Variants in ZAR1 observed in about 807,000 individuals in gnomAD.
ZAR1 encodes the protein zygote arrest 1.
Under a neutral mutation model 38.3 loss-of-function variants are expected in ZAR1, and 37 were observed. The ratio of observed to expected loss-of-function variants is 0.97; its 90% CI spans 0.74 to 1.27. The LOEUF (loss-of-function observed/expected upper bound fraction) is 1.27. ZAR1 is among the 50% of genes most tolerant of loss of function. The probability of loss-of-function intolerance (pLI) is 0.00; values close to 1 mark genes in which losing one functional copy is unlikely to be tolerated. For synonymous variants in ZAR1, 336 were observed against 292.0 expected (o/e 1.15, Z -1.53); for missense variants, 651 against 632.4 (o/e 1.03, Z -0.32).
chr4:48,495,654 A>G (rs1294790409), downstream of ZAR1, among the ~76,000 whole-genome samples: 1 of 152,194 alleles, frequency 6.6e-6, no homozygotes, highest in Non-Finnish European at 1.5e-5. Context: ...TAAATGTAAA[A>G]CTGAGGTTCT....
chr4:48,491,374 T>G, intron 1 of ZAR1, 120 bp downstream of exon 1: 4 of 694,888 alleles, frequency 5.8e-6, no homozygotes, highest in Non-Finnish European at 8.0e-6. Context: ...CGTGGGCTAC[T>G]TCCGTATTTC....
Position 48,490,661 on chromosome 4 carries a change from A to G in ZAR1, c.370A>G (p.Arg124Gly). The change falls in exon 1 of 4, where the codon AGG becomes GGG. Residue 124 changes from arginine (R) to glycine (G), a missense_variant. By Grantham distance (125) the Arg-to-Gly change is moderately radical. Coordinates refer to ENST00000327939, the MANE Select transcript of ZAR1 (RefSeq NM_175619.3). ...IDAAVQCSLG[R>G]RTLQRRARDP... Reference sequence around the variant, plus strand: ...CGCCGCGGTACAGTGCTCGCTGGGGAGGCGCACGCTGCAGCGCCGGGCCCG... The same window carrying G: ...CGCCGCGGTACAGTGCTCGCTGGGGGGGCGCACGCTGCAGCGCCGGGCCCG... 1 of 1,332,658 alleles carries G rather than the reference A, an allele frequency of 7.5e-7. No individual in the cohort carries two copies. The highest frequency in any genetic ancestry group is 9.5e-7 in the Non-Finnish European group (1 of 1,048,138). The allele number at this position is 1,332,658 out of a possible 1,614,324, so 82.6% of individuals were successfully genotyped here.
intron 1 of ZAR1, among the ~76,000 whole-genome samples, chr4:48,492,045 G>T (rs1718458103): frequency 6.6e-6 from 1 of 152,194 alleles, no homozygotes; most frequent in Non-Finnish European, 1.5e-5. Flanking sequence ...CTGATTGTGC[G>T]AGGAGTGAAT....
chr4:48,491,251 C>T lies in ZAR1; in HGVS notation c.960C>T (p.Phe320=). The part of the protein sequence containing the change: ...SPELGKERLR[F]QFLEQKYGYY... Reference sequence around the variant, plus strand: ...AGCTGGGCAAGGAGCGGCTGCGCTTCCAGGTAAAGCCTAGGGCGGTCAGGG... The same window carrying T: ...AGCTGGGCAAGGAGCGGCTGCGCTTTCAGGTAAAGCCTAGGGCGGTCAGGG... Residue 320 remains phenylalanine (F), a synonymous_variant, in exon 1 of 4, where the codon TTC becomes TTT. Transcript: ENST00000327939. 1 of 1,228,250 alleles carries T rather than the reference C, an allele frequency of 8.1e-7. No individual in the cohort carries two copies. The highest frequency in any genetic ancestry group is 1.0e-6 in the Non-Finnish European group (1 of 984,512). The allele number at this position is 1,228,250 out of a possible 1,614,324, so 76.1% of individuals were successfully genotyped here. A position where few individuals can be genotyped will look rare whatever the true frequency, so the allele number is the denominator to read the frequency against.
chr4:48,494,652 T>C (rs1394189083), downstream of ZAR1, among the ~76,000 whole-genome samples: 3 of 151,634 alleles, frequency 2.0e-5, no homozygotes, highest in East Asian at 5.8e-4. Context: ...ATCGCGCCAC[T>C]GCACTCCAGC....
chr4:48,495,554 A>C (rs80245276), downstream of ZAR1, among the ~76,000 whole-genome samples: 3,282 of 152,308 alleles, frequency 0.022, 115 homozygotes, highest in African/African-American at 0.074. Context: ...TGCTAATAGA[A>C]TTGAAGCATG....
In ZAR1 at chr4:48,492,807, C is replaced by T. The variant is rs1560482984; in HGVS notation, c.1005C>T (p.Cys335=). 4 of 1,614,218 alleles carry T rather than the reference C, an allele frequency of 2.5e-6. No individual in the cohort carries two copies. Among genetic ancestry groups the T allele is most frequent in the Non-Finnish European group, 2.5e-6 (3 of 1,180,032 alleles). Residue 335 remains cysteine (C), a synonymous_variant, in exon 2 of 4, where the codon TGC becomes TGT. Coordinates refer to ENST00000327939, the MANE Select transcript of ZAR1 (RefSeq NM_175619.3). ...ATGGCTATTACCACTGCAAGGACTG[C>T]AACATCCGCTGGGAGAGTGCTTATG... ...QKYGYYHCKD[C]NIRWESAYVW... is the part of the protein sequence containing the mutation.
Position 48,490,928 on chromosome 4 carries a change from AG to A in ZAR1, c.642del (p.Pro215ArgfsTer64). On this transcript the variant is annotated frameshift_variant, in exon 1 of 4. Coordinates refer to ENST00000327939, the MANE Select transcript of ZAR1 (RefSeq NM_175619.3). LOFTEE classifies it high-confidence loss of function. ...GAGGTCCGGGGCGTCGGACGGAGAG[AG>A]GGGGCCGCCGCCCGCGCGGCTTCAA... ...EQRSGASDGE[R>X]GPPPARLQGP... 4 of 1,344,168 alleles carry A rather than the reference AG, an allele frequency of 3.0e-6. No individual in the cohort carries two copies. Among genetic ancestry groups the A allele is most frequent in the African/African-American group, 3.1e-5 (2 of 65,046 alleles). The allele number at this position is 1,344,168 out of a possible 1,614,324, so 83.3% of individuals were successfully genotyped here.
At chr4:48,496,308 G>A (rs1718607119), downstream of ZAR1, among the ~76,000 whole-genome samples, 1 of 152,156 alleles carries the variant, frequency 6.6e-6, no homozygotes, top group South Asian at 2.1e-4. Flanking sequence ...GATTTGGTTG[G>A]GGGTAGGTAC....
intron 1 of ZAR1, 146 bp downstream of exon 1, chr4:48,491,400 C>A: frequency 1.8e-6 from 1 of 542,534 alleles, no homozygotes; most frequent in Non-Finnish European, 2.8e-6. Flanking sequence ...CAGCCAATGA[C>A]CGCGATAGGT....
In ZAR1 at chr4:48,490,828, CG is replaced by C. The variant is rs1718411174; in HGVS notation, c.538del (p.Ala180ProfsTer99). The C allele has an allele frequency of 6.6e-7, 1 of 1,506,496 alleles. No individual in the cohort carries two copies. Among genetic ancestry groups the C allele is most frequent in the African/African-American group, 1.4e-5 (1 of 69,746 alleles). The allele number at this position is 1,506,496 out of a possible 1,614,324, so 93.3% of individuals were successfully genotyped here. A position where few individuals can be genotyped will look rare whatever the true frequency, so the allele number is the denominator to read the frequency against. Reference protein sequence around the residue: ...PRPMRFPRTVAVYSPLALRRL... With the variant: ...PRPMRFPRTVXVYSPLALRRL... Reference sequence around the variant, plus strand: ...GGCCCATGCGCTTCCCGCGCACCGTCGCCGTGTACTCGCCCCTGGCCTTGCG... The same window carrying C: ...GGCCCATGCGCTTCCCGCGCACCGTCCCGTGTACTCGCCCCTGGCCTTGCG... On this transcript the variant is annotated frameshift_variant, in exon 1 of 4. Transcript: ENST00000327939. LOFTEE classifies it high-confidence loss of function.
Position 48,490,303 on chromosome 4 carries a change from G to C in ZAR1, c.12G>C (p.Leu4=), listed in dbSNP as rs570025081. ...GGAGCAGTGCGCCCATGGCGGCCCT[G>C]GGGGACGAGGTGCTGGACGGTTACG... MAA[L]GDEVLDGYVF... The change falls in exon 1 of 4, where the codon CTG becomes CTC. Residue 4 remains leucine, a synonymous_variant. Coordinates refer to ENST00000327939, the MANE Select transcript of ZAR1 (RefSeq NM_175619.3). The C allele has an allele frequency of 1.1e-5, 17 of 1,505,168 alleles. No homozygotes were observed. Among genetic ancestry groups the C allele is most frequent in the Non-Finnish European group, 1.3e-5 (15 of 1,133,264 alleles). 93.2% of individuals were successfully genotyped at this position (1,505,168 alleles called of 1,614,324 possible).
At chr4:48,492,657 C>A in intron 1 of ZAR1, 109 bp from the exon 2 acceptor site, 1 of 1,055,264 alleles carries the variant, frequency 9.5e-7, no homozygotes, top group Non-Finnish European at 1.4e-6. Context: ...TGCTTTCTTT[C>A]ATGATCTGAA....
At chr4:48,494,643 T>C (rs1235994848), downstream of ZAR1, among the ~76,000 whole-genome samples, 1 of 151,844 alleles carries the variant, frequency 6.6e-6, no homozygotes, top group African/African-American at 2.4e-5. Context: ...CGCCTAGCGA[T>C]CGCGCCACTG....
downstream of ZAR1, chr4:48,497,537 T>C (rs144135465): frequency 5.9e-5 from 9 of 152,780 alleles, no homozygotes; most frequent in African/African-American, 2.2e-4. Flanking sequence ...ACTGTAATCA[T>C]TCATTCTTTG....
chr4:48,494,369 A>C lies in ZAR1; in HGVS notation c.*125A>C. On this transcript the variant is annotated 3_prime_UTR_variant, in exon 4 of 4. Coordinates refer to ENST00000327939, the MANE Select transcript of ZAR1 (RefSeq NM_175619.3). ...GCAGTGTATTCTGAAAAAGCCTTCAAATAAAGGTATTGCAACACGATTTAT... is the reference window on the plus strand; with the variant it reads ...GCAGTGTATTCTGAAAAAGCCTTCACATAAAGGTATTGCAACACGATTTAT... 7 of 1,267,756 alleles carry C rather than the reference A, an allele frequency of 5.5e-6. No individual in the cohort carries two copies. Among genetic ancestry groups the C allele is most frequent in the Non-Finnish European group, 7.7e-6 (7 of 904,380 alleles). 78.5% of individuals were successfully genotyped at this position (1,267,756 alleles called of 1,614,324 possible).
In ZAR1 at chr4:48,493,023, T is replaced by C. The variant is rs375462285; in HGVS notation, c.1131+11T>C. On this transcript the variant is annotated intron_variant, in intron 3 of 3. Transcript: ENST00000327939. ...GATATCACCTGTCAAGTAAATCAGATGTTTTGCATTTTGTCTGACCTGGGC... is the reference window on the plus strand; with the variant it reads ...GATATCACCTGTCAAGTAAATCAGACGTTTTGCATTTTGTCTGACCTGGGC... 3.0e-5 allele frequency: 49 copies of C among 1,613,902 alleles called. No individual in the cohort carries two copies. The African/African-American group carries it at 6.4e-4, about 21-fold the overall frequency.
In ZAR1 at chr4:48,493,995, T is replaced by TA. The variant is rs1718515251; in HGVS notation, c.1132-105dup. On this transcript the variant is annotated intron_variant, in intron 3 of 3. Coordinates refer to ENST00000327939, the MANE Select transcript of ZAR1 (RefSeq NM_175619.3). Reference sequence around the variant, plus strand: ...AACAAGATTACTATGGGACCTTGCTTAGAGCACATTCATTAAGTACTTGAA... The same window carrying TA: ...AACAAGATTACTATGGGACCTTGCTTAAGAGCACATTCATTAAGTACTTGAA... 1.8e-5 allele frequency: 24 copies of TA among 1,371,300 alleles called. No homozygotes were observed. The South Asian group carries it at 3.0e-4, about 17-fold the overall frequency. The allele number at this position is 1,371,300 out of a possible 1,614,324, so 84.9% of individuals were successfully genotyped here.
chr4:48,493,653 C>G (rs1718506159), intron 3 of ZAR1, among the ~76,000 whole-genome samples: 1 of 152,210 alleles, frequency 6.6e-6, no homozygotes, highest in Non-Finnish European at 1.5e-5. Flanking sequence ...AATCAATACA[C>G]TTGACCCACG....
Sources: allele counts gnomAD v4.1 joint callset (sites outside exome capture counted in the v4.1 genomes callset), GRCh38; gene constraint gnomAD v4.1.1; transcripts MANE v1.5; gene names NCBI Gene and HGNC (gene_info 2026-07-23, HGNC 2026-07-21).